The following UHRF2 variants were observed in gnomAD, a reference collection of about 807,000 sequenced individuals.
The protein encoded by UHRF2 is ubiquitin like with PHD and ring finger domains 2, also known as E3 ubiquitin-protein ligase UHRF2.
UHRF2 carries 23 observed loss-of-function variants against 96.8 expected under a neutral mutation model. That is an observed-to-expected ratio of 0.24 (90% CI 0.17 to 0.34). The LOEUF (loss-of-function observed/expected upper bound fraction) is 0.34, where lower values mean the gene tolerates loss of function less well. Among genes scored for constraint, UHRF2 ranks in the 10% least tolerant of loss-of-function variants. The pLI is 1.00. For synonymous variants in UHRF2, 385 were observed against 332.6 expected, an observed-to-expected ratio of 1.16 and a Z score of -1.72; for missense variants, 685 against 981.5, an observed-to-expected ratio of 0.70 and a Z score of 4.04.
In UHRF2 at chr9:6,475,384, T is replaced by C; in HGVS notation, c.864-7T>C. ...CAGAAGTTAACCTTTCTTCCTTTTT[T>C]AAACAGGGGTTCTGAAGGAACATTA... On this transcript the variant is annotated splice_region_variant and splice_polypyrimidine_tract_variant and intron_variant, in intron 4 of 15. Transcript: ENST00000276893. 1 of 1,508,168 alleles carries C rather than the reference T, an allele frequency of 6.6e-7. No homozygotes were observed. The highest frequency in any genetic ancestry group is 8.9e-7 in the Non-Finnish European group (1 of 1,126,964). 93.4% of individuals were successfully genotyped at this position (1,508,168 alleles called of 1,614,324 possible).
intron 15 of UHRF2, 49 bp from the exon 16 acceptor site, chr9:6,505,984 T>TA (rs1239683144): frequency 6.2e-7 from 1 of 1,605,228 alleles, no homozygotes; most frequent in Non-Finnish European, 8.5e-7. Context: ...GCTGAGTACT[T>TA]ACATGCTTTA....
At chr9:6,416,087 T>A (rs561908665) in intron 1 of UHRF2, among the ~76,000 whole-genome samples, 16 of 152,210 alleles carry the variant, frequency 1.1e-4, no homozygotes, top group African/African-American at 3.8e-4. Context: ...GTTTTTTTTT[T>A]AAGCCGGAGT....
chr9:6,500,238 G>T (rs1297445088), intron 13 of UHRF2, among the ~76,000 whole-genome samples: 2 of 152,138 alleles, frequency 1.3e-5, no homozygotes, highest in Non-Finnish European at 2.9e-5. Context: ...AAAGTGCTGG[G>T]ATTACAGGCA....
At chr9:6,490,399 G>A (rs1824588934) in intron 9 of UHRF2, among the ~76,000 whole-genome samples, 1 of 152,160 alleles carries the variant, frequency 6.6e-6, no homozygotes, top group South Asian at 2.1e-4. Flanking sequence ...AGTCCGAGGT[G>A]GGCTGATCAC....
rs201584672 is a variant in UHRF2, at chr9:6,486,799, A to T, written c.1393-22A>T. 43 of 1,609,974 alleles carry T rather than the reference A, an allele frequency of 2.7e-5. No homozygotes were observed. In the East Asian group the frequency reaches 9.1e-4, roughly 34 times the overall value. On this transcript the variant is annotated intron_variant, in intron 8 of 15. Coordinates refer to ENST00000276893, the MANE Select transcript of UHRF2 (RefSeq NM_152896.3). ...CTTAACTGTTCAGAGGTATTTTGAGACTCTCTTTAATTGTTTTATAGGTGA... is the reference window on the plus strand; with the variant it reads ...CTTAACTGTTCAGAGGTATTTTGAGTCTCTCTTTAATTGTTTTATAGGTGA...
chr9:6,417,387 C>G (rs1055368317), intron 1 of UHRF2, among the ~76,000 whole-genome samples: 2 of 152,198 alleles, frequency 1.3e-5, no homozygotes, highest in Non-Finnish European at 2.9e-5. Flanking sequence ...ACCTAAGTTA[C>G]ATGCTTCTGA....
intron 4 of UHRF2, among the ~76,000 whole-genome samples, chr9:6,470,640 A>G (rs1459489875): frequency 6.6e-6 from 1 of 152,024 alleles, no homozygotes; most frequent in African/African-American, 2.4e-5. Context: ...TATACATAGA[A>G]AAAAAATGCG....
In UHRF2 at chr9:6,499,998, G is replaced by A. The variant is rs992117314; in HGVS notation, c.2005+67G>A. On this transcript the variant is annotated intron_variant, in intron 13 of 15. Transcript: ENST00000276893. ...TTGTTGTTGTTGTTGTTGAGACGGG[G>A]TCTCACTCTTGTCACCCAGGCTGGA... The A allele has an allele frequency of 2.4e-6, 3 of 1,271,878 alleles. No individual in the cohort carries two copies. In the East Asian group the frequency reaches 8.0e-5, roughly 34 times the overall value. 78.8% of individuals were successfully genotyped at this position (1,271,878 alleles called of 1,614,324 possible).
intron 2 of UHRF2, among the ~76,000 whole-genome samples, chr9:6,427,697 T>C (rs139909256): frequency 2.0e-5 from 3 of 152,136 alleles, no homozygotes; most frequent in African/African-American, 7.2e-5. Context: ...AAAAAAGAAA[T>C]TTTAATCTGA....
intron 14 of UHRF2, among the ~76,000 whole-genome samples, chr9:6,501,614 C>T (rs1471660001): frequency 6.6e-6 from 1 of 152,182 alleles, no homozygotes; most frequent in African/African-American, 2.4e-5. Context: ...ATCGTTACTT[C>T]CTTTGTCTAT....
intron 1 of UHRF2, among the ~76,000 whole-genome samples, chr9:6,415,902 C>A (rs193302649): frequency 3.9e-5 from 6 of 152,226 alleles, no homozygotes; most frequent in Admixed American, 3.9e-4. Flanking sequence ...AAGTATGGTC[C>A]CTGGATTCTC....
chr9:6,466,303 T>C (rs947859233), intron 4 of UHRF2, among the ~76,000 whole-genome samples: 1 of 152,084 alleles, frequency 6.6e-6, no homozygotes, highest in Admixed American at 6.6e-5. Context: ...TTTGGGAGGC[T>C]GAGGCGGACG....
chr9:6,474,121 G>A (rs1823418284), intron 4 of UHRF2, among the ~76,000 whole-genome samples: 1 of 152,182 alleles, frequency 6.6e-6, no homozygotes, highest in Non-Finnish European at 1.5e-5. Context: ...AGGGGACAAG[G>A]TGAGGGTTTC....
chr9:6,476,995 C>G (rs1308210931), intron 5 of UHRF2, among the ~76,000 whole-genome samples: 2 of 152,064 alleles, frequency 1.3e-5, no homozygotes, highest in African/African-American at 2.4e-5. Context: ...GTTTGGGAGG[C>G]CAAGGTTGGT....
At chr9:6,445,422 C>A (rs1022776648) in intron 3 of UHRF2, among the ~76,000 whole-genome samples, 1 of 152,054 alleles carries the variant, frequency 6.6e-6, no homozygotes, top group Admixed American at 6.6e-5. Flanking sequence ...CCACCACATT[C>A]GGCTAATTTT....
intron 6 of UHRF2, 97 bp downstream of exon 6, chr9:6,477,905 T>C: frequency 9.1e-7 from 1 of 1,094,358 alleles, no homozygotes; most frequent in African/African-American, 1.6e-5. Flanking sequence ...ATACATAATA[T>C]AAAAGTGCTT....
intron 2 of UHRF2, among the ~76,000 whole-genome samples, chr9:6,423,634 A>AT (rs34676165): frequency 0.094 from 13,485 of 143,986 alleles, 1,889 homozygotes; most frequent in African/African-American, 0.31. Context: ...GTCATTAGTG[A>AT]TTTTTTTTTT....
chr9:6,436,730 A>G (rs924656207), intron 3 of UHRF2, among the ~76,000 whole-genome samples: 5 of 152,226 alleles, frequency 3.3e-5, no homozygotes, highest in Admixed American at 6.5e-5. Context: ...GGTGTATCTT[A>G]GAGCACAAAA....
chr9:6,457,281 A>T (rs967549937), intron 3 of UHRF2, among the ~76,000 whole-genome samples: 2 of 151,956 alleles, frequency 1.3e-5, no homozygotes, highest in Non-Finnish European at 1.5e-5. Flanking sequence ...TGTGAATGGG[A>T]GTTCACTCAT....
Sources: allele counts gnomAD v4.1 joint callset (sites outside exome capture counted in the v4.1 genomes callset), GRCh38; gene constraint gnomAD v4.1.1; transcripts MANE v1.5; gene names NCBI Gene and HGNC (gene_info 2026-07-23, HGNC 2026-07-21).